HECW2: variants seen among roughly 807,000 people sequenced by gnomAD.
HECW2 encodes the protein E3 ubiquitin-protein ligase HECW2.
In HECW2, 61 loss-of-function variants were observed where a neutral mutation model predicts 175.2. The ratio of observed to expected loss-of-function variants is 0.35; its 90% CI spans 0.28 to 0.43. The LOEUF is 0.43. Ranked by LOEUF, HECW2 falls within the 20% of genes least tolerant of loss-of-function variation. The probability of loss-of-function intolerance (pLI) is 1.00; values close to 1 mark genes in which losing one functional copy is unlikely to be tolerated. For missense variants in HECW2, 1,524 were observed against 2,000.5 expected, an observed-to-expected ratio of 0.76 and a Z score of 4.54; for synonymous variants, 671 against 731.0, an observed-to-expected ratio of 0.92 and a Z score of 1.32.
At chr2:196,448,596 G>T (rs1269681649) in intron 1 of HECW2, among the ~76,000 whole-genome samples, 1 of 152,204 alleles carries the variant, frequency 6.6e-6, no homozygotes, top group Admixed American at 6.5e-5. Context: ...CGCCAAAGCA[G>T]AACTGCCTGA....
chr2:196,352,730 A>G (rs1485969136), intron 2 of HECW2, among the ~76,000 whole-genome samples: 1 of 152,174 alleles, frequency 6.6e-6, no homozygotes, highest in African/African-American at 2.4e-5. Context: ...GGCTCTGCTC[A>G]GCAACTTCCT....
chr2:196,448,746 T>C (rs1696260263), intron 1 of HECW2, among the ~76,000 whole-genome samples: 1 of 152,196 alleles, frequency 6.6e-6, no homozygotes, highest in South Asian at 2.1e-4. Context: ...CATCACCTTG[T>C]TGAGAAGTAG....
chr2:196,333,031 T>A (rs1692424783), intron 4 of HECW2, among the ~76,000 whole-genome samples: 1 of 152,038 alleles, frequency 6.6e-6, no homozygotes, highest in Admixed American at 6.6e-5. Context: ...CCTGCAACGC[T>A]CTTCCCTCCC....
chr2:196,427,569 T>G (rs1444659589), intron 2 of HECW2, among the ~76,000 whole-genome samples: 3 of 152,200 alleles, frequency 2.0e-5, no homozygotes, highest in Non-Finnish European at 4.4e-5. Flanking sequence ...ATGACCTAAG[T>G]GTCTTTGTAT....
intron 1 of HECW2, among the ~76,000 whole-genome samples, chr2:196,500,561 T>C (rs1687546070): frequency 6.6e-6 from 1 of 150,648 alleles, no homozygotes; most frequent in Non-Finnish European, 1.5e-5. Flanking sequence ...TCCAAAAACA[T>C]TTTGCAGACT....
chr2:196,273,049 A>ATTTTTTTTTTTTTTTTTTTTTTTTTTTT (rs778348590), intron 16 of HECW2, among the ~76,000 whole-genome samples: 4 of 113,138 alleles, frequency 3.5e-5, no homozygotes, highest in African/African-American at 7.7e-5. Flanking sequence ...AGCTGGTCTA[A>ATTTTTTTTTTTTTTTTTTTTTTTTTTTT]TTTTTTTTTT....
At chr2:196,567,643 T>C (rs1349385789) in intron 1 of HECW2, among the ~76,000 whole-genome samples, 1 of 152,226 alleles carries the variant, frequency 6.6e-6, no homozygotes, top group Non-Finnish European at 1.5e-5. Flanking sequence ...GATATTTCTC[T>C]GATTCCATAT....
chr2:196,210,001 G>T (rs1441972130), intron 28 of HECW2, among the ~76,000 whole-genome samples: 2 of 152,140 alleles, frequency 1.3e-5, no homozygotes, highest in Admixed American at 1.3e-4. Flanking sequence ...CTGACCTCGT[G>T]ATCTGCCCAC....
intron 1 of HECW2, among the ~76,000 whole-genome samples, chr2:196,540,486 T>C (rs1430376592): frequency 6.6e-6 from 1 of 152,202 alleles, no homozygotes; most frequent in Non-Finnish European, 1.5e-5. Context: ...TCACCTAGGT[T>C]GGAGTGCAGT....
At chr2:196,249,100 T>A (rs1688763890) in intron 19 of HECW2, among the ~76,000 whole-genome samples, 1 of 152,206 alleles carries the variant, frequency 6.6e-6, no homozygotes, top group Non-Finnish European at 1.5e-5. Context: ...CAAATTCTCA[T>A]ACAGTTAAAA....
chr2:196,401,628 C>T (rs948210441), intron 2 of HECW2, among the ~76,000 whole-genome samples: 1 of 152,088 alleles, frequency 6.6e-6, no homozygotes, highest in African/African-American at 2.4e-5. Context: ...TGACATATAC[C>T]TTTCACAGAT....
intron 1 of HECW2, among the ~76,000 whole-genome samples, chr2:196,455,953 C>T (rs987256651): frequency 3.3e-5 from 5 of 151,846 alleles, no homozygotes; most frequent in African/African-American, 1.2e-4. Context: ...ATAACATTTT[C>T]ATCTAGTATT....
In HECW2 at chr2:196,318,677, T is replaced by C; in HGVS notation, c.2213A>G (p.Gln738Arg). 6.3e-7 allele frequency: 1 copy of C among 1,597,990 alleles called. No individual in the cohort carries two copies. The highest frequency in any genetic ancestry group is 1.1e-5 in the South Asian group (1 of 88,590). ...AGCTCCCTCCAGGCTCCCCCTCCGC[T>C]GCCAGACCTCCCCCAGCTCCTCCTG... is the stretch of plus-strand genomic sequence containing the variant. ...PDQEELGEVW[Q>R]RRGSLEGAAA... Residue 738 changes from glutamine (Q) to arginine (R), a missense_variant, in exon 9 of 29, where the codon CAG (glutamine) becomes CGG (arginine). This residue lies in a region of HECW2 where 604 missense variants were observed against 588.3 expected (regional missense o/e 1.03). Coordinates refer to ENST00000644978, the MANE Select transcript of HECW2 (RefSeq NM_001348768.2).
At chr2:196,443,197 G>A (rs926144156) in intron 1 of HECW2, among the ~76,000 whole-genome samples, 4 of 152,072 alleles carry the variant, frequency 2.6e-5, no homozygotes, top group African/African-American at 9.7e-5. Context: ...AAGGCAGTTG[G>A]GGAGAAGTGA....
chr2:196,435,369 A>G (rs1451495842), intron 1 of HECW2, among the ~76,000 whole-genome samples: 1 of 152,254 alleles, frequency 6.6e-6, no homozygotes, highest in Non-Finnish European at 1.5e-5. Context: ...GACTTTCAAC[A>G]GGCCATTATT....
At chr2:196,371,748 T>G (rs1174134340) in intron 2 of HECW2, among the ~76,000 whole-genome samples, 1 of 152,232 alleles carries the variant, frequency 6.6e-6, no homozygotes, top group Admixed American at 6.5e-5. Flanking sequence ...ACTGGTGAAC[T>G]CTACAGAGAA....
chr2:196,488,090 G>T (rs1575599434), intron 1 of HECW2, among the ~76,000 whole-genome samples: 1 of 152,168 alleles, frequency 6.6e-6, no homozygotes, highest in Non-Finnish European at 1.5e-5. Flanking sequence ...TTCCAAGATA[G>T]GGGATTATTC....
At chr2:196,484,466 C>T (rs16852386) in intron 1 of HECW2, among the ~76,000 whole-genome samples, 7,455 of 152,290 alleles carry the variant, frequency 0.049, 224 homozygotes, top group South Asian at 0.091. Context: ...CCAGCACACC[C>T]TGAACCTGCA....
chr2:196,376,280 A>T (rs59690658), intron 2 of HECW2, among the ~76,000 whole-genome samples: 1,870 of 152,344 alleles, frequency 0.012, 41 homozygotes, highest in African/African-American at 0.043. Flanking sequence ...CACATCAAAA[A>T]TAATCTCATC....
Sources: allele counts gnomAD v4.1 joint callset (sites outside exome capture counted in the v4.1 genomes callset), GRCh38; gene constraint gnomAD v4.1.1; regional missense constraint gnomAD v4.1.1; transcripts MANE v1.5; gene names NCBI Gene and HGNC (gene_info 2026-07-23, HGNC 2026-07-21).